LGR6: variants seen among roughly 807,000 people sequenced by gnomAD.
The protein encoded by LGR6 is leucine rich repeat containing G protein-coupled receptor 6.
Under a neutral mutation model 69.4 loss-of-function variants are expected in LGR6, and 45 were observed. The ratio of observed to expected loss-of-function variants is 0.65; its 90% confidence interval spans 0.51 to 0.83. The LOEUF (loss-of-function observed/expected upper bound fraction) is 0.83. Among genes scored for constraint, LGR6 ranks in the 40% least tolerant of loss-of-function variants. The probability of loss-of-function intolerance (pLI) is 0.00; values close to 1 mark genes in which losing one functional copy is unlikely to be tolerated. For missense variants in LGR6, 1,108 were observed against 1,246.7 expected, an observed-to-expected ratio of 0.89 and a Z score of 1.68; for synonymous variants, 538 against 555.0, an observed-to-expected ratio of 0.97 and a Z score of 0.43.
chr1:202,214,274 TC>T, intron 1 of LGR6: 1 of 1,507,206 alleles, frequency 6.6e-7, no homozygotes, highest in Non-Finnish European at 8.8e-7. Context: ...TCCGGAAAGT[TC>T]CACAGGTCCT....
chr1:202,305,077 A>T (rs1667884707), intron 11 of LGR6, among the ~76,000 whole-genome samples: 2 of 152,146 alleles, frequency 1.3e-5, no homozygotes, highest in African/African-American at 4.8e-5. Context: ...GAGGCTCCTC[A>T]TCAGGGACCA....
intron 9 of LGR6, among the ~76,000 whole-genome samples, chr1:202,302,873 C>A (rs1412732332): frequency 3.3e-5 from 5 of 152,110 alleles, no homozygotes; most frequent in Admixed American, 3.3e-4. Context: ...AATAAAGTTC[C>A]AGCAGATGAC....
intron 1 of LGR6, among the ~76,000 whole-genome samples, chr1:202,221,132 G>A (rs533569935): frequency 1.3e-5 from 2 of 152,022 alleles, no homozygotes; most frequent in South Asian, 2.1e-4. Flanking sequence ...GTTCCCCCAG[G>A]TCCACCCCAG....
At chr1:202,312,258 C>T (rs1653801705) in intron 16 of LGR6, among the ~76,000 whole-genome samples, 1 of 152,254 alleles carries the variant, frequency 6.6e-6, no homozygotes, top group Admixed American at 6.5e-5. Context: ...GGTTACTTAA[C>T]ACCTTGGCTG....
intron 4 of LGR6, among the ~76,000 whole-genome samples, chr1:202,269,244 G>A (rs1664909303): frequency 6.6e-6 from 1 of 152,060 alleles, no homozygotes; most frequent in African/African-American, 2.4e-5. Context: ...TCCCCATTAT[G>A]TAGCCACTCC....
intron 4 of LGR6, among the ~76,000 whole-genome samples, chr1:202,266,476 C>T (rs909694875): frequency 6.6e-6 from 1 of 151,698 alleles, no homozygotes; most frequent in East Asian, 1.9e-4. Context: ...CCCACCCCCA[C>T]CCCACCAGAG....
At chr1:202,304,846 T>C (rs1187500371) in intron 11 of LGR6, among the ~76,000 whole-genome samples, 1 of 152,200 alleles carries the variant, frequency 6.6e-6, no homozygotes, top group Non-Finnish European at 1.5e-5. Context: ...CTTTAAAGTC[T>C]CTGAGCTTCG....
chr1:202,245,331 A>G (rs1662563434), intron 4 of LGR6, among the ~76,000 whole-genome samples: 1 of 152,182 alleles, frequency 6.6e-6, no homozygotes, highest in Non-Finnish European at 1.5e-5. Flanking sequence ...AGCCCCCTGC[A>G]GCCCTCAAGG....
chr1:202,300,232 C>T (rs1481451811), intron 7 of LGR6, among the ~76,000 whole-genome samples: 1 of 152,246 alleles, frequency 6.6e-6, no homozygotes, highest in African/African-American at 2.4e-5. Context: ...AGAGGATTCC[C>T]TTCCTGGGGT....
chr1:202,253,554 C>T (rs535604231), intron 4 of LGR6, among the ~76,000 whole-genome samples: 6 of 151,230 alleles, frequency 4.0e-5, no homozygotes, highest in South Asian at 2.1e-4. Context: ...CCGCCTGCCT[C>T]GGCCTCCCAA....
At position 202,318,905 on chromosome 1, in the gene LGR6, C is replaced by T. The variant is rs761014267; in HGVS notation, c.2602C>T (p.Gln868Ter). 1.2e-6 allele frequency: 2 copies of T among 1,614,132 alleles called. No individual in the cohort carries two copies. Among genetic ancestry groups the T allele is most frequent in the Non-Finnish European group, 1.7e-6 (2 of 1,179,984 alleles). Residue 868 changes from glutamine (Q) to a stop codon, truncating the protein, a stop_gained, in exon 18 of 18, where the codon CAG (glutamine) becomes TAG (stop). Coordinates refer to ENST00000367278, the MANE Select transcript of LGR6 (RefSeq NM_001017403.2). LOFTEE classifies it low-confidence loss of function (END_TRUNC). ...ELEKSSCDST[Q>*]ALVAFSDVDL... The stretch of plus-strand genomic sequence containing the variant: ...GGAGAAGAGCTCCTGTGATTCTACC[C>T]AGGCCCTGGTAGCCTTCTCTGATGT...
chr1:202,297,381 C>T (rs568125174), intron 6 of LGR6, 127 bp from the exon 7 acceptor site: 63 of 709,788 alleles, frequency 8.9e-5, no homozygotes, highest in South Asian at 8.7e-4. Context: ...AGACATTGGC[C>T]GCTGGATCCA....
intron 1 of LGR6, among the ~76,000 whole-genome samples, chr1:202,206,129 GAC>G (rs1367141058): frequency 1.3e-5 from 2 of 152,266 alleles, no homozygotes; most frequent in Non-Finnish European, 2.9e-5. Context: ...GAGGATGGAG[GAC>G]ACTGGATCAA....
chr1:202,223,941 G>A (rs1343052754), intron 1 of LGR6, among the ~76,000 whole-genome samples: 1 of 151,080 alleles, frequency 6.6e-6, no homozygotes, highest in Non-Finnish European at 1.5e-5. Context: ...AAGCAAATAT[G>A]TACCTTGTCC....
intron 6 of LGR6, among the ~76,000 whole-genome samples, chr1:202,295,983 G>A (rs1309638532): frequency 6.6e-6 from 1 of 151,690 alleles, no homozygotes; most frequent in African/African-American, 2.4e-5. Context: ...CTGGGTTCCT[G>A]GCTCTACCTG....
chr1:202,314,730 G>A, intron 16 of LGR6, 72 bp from the exon 17 acceptor site: 1 of 1,013,428 alleles, frequency 9.9e-7, no homozygotes, highest in Non-Finnish European at 1.6e-6. Flanking sequence ...AAAGGAGGGG[G>A]CATTTGGAGA....
intron 3 of LGR6, among the ~76,000 whole-genome samples, chr1:202,234,600 A>C (rs964593230): frequency 6.6e-6 from 1 of 152,058 alleles, no homozygotes; most frequent in Non-Finnish European, 1.5e-5. Flanking sequence ...GTGGACCCAA[A>C]CTCTCTAGGT....
chr1:202,206,936 G>T (rs1187342903), intron 1 of LGR6, among the ~76,000 whole-genome samples: 4 of 141,618 alleles, frequency 2.8e-5, no homozygotes, highest in African/African-American at 5.3e-5. Context: ...TTTATTTATT[G>T]AGACAGAGTC....
chr1:202,242,139 C>T lies in LGR6; in HGVS notation c.428+6146C>T, dbSNP rs527583415. ...TCTTAGCACATTTCAATATGCTAAG[C>T]ACATTCATATATCTCATTTAATCCC... is the stretch of plus-strand genomic sequence containing the variant. On this transcript the variant is annotated intron_variant, in intron 4 of 17. Coordinates refer to ENST00000367278, the MANE Select transcript of LGR6 (RefSeq NM_001017403.2). 5.9e-5 allele frequency among the ~76,000 whole-genome samples: 9 copies of T among 152,264 alleles called. No homozygotes were observed. The East Asian group carries it at 1.5e-3, about 26-fold the overall frequency.
Sources: gnomAD v4.1 joint callset for allele counts (sites outside exome capture counted in the v4.1 genomes callset) on GRCh38, gnomAD v4.1.1 for gene constraint, MANE v1.5 for transcripts, NCBI Gene and HGNC (gene_info 2026-07-23, HGNC 2026-07-21) for gene names.